Variants in F5 observed in about 807,000 individuals in gnomAD.
F5 encodes activated protein c cofactor.
A neutral mutation model predicts 216.4 loss-of-function variants in F5; 138 were observed. The observed-to-expected ratio is 0.64, with a 90% confidence interval of 0.56 to 0.73. F5 has a LOEUF of 0.73. Among genes scored for constraint, F5 ranks in the 30% least tolerant of loss-of-function variants. The probability of loss-of-function intolerance (pLI) is 0.00; values close to 1 mark genes in which losing one functional copy is unlikely to be tolerated. For synonymous variants in F5, 916 were observed against 930.7 expected, an observed-to-expected ratio of 0.98 and a Z score of 0.29; for missense variants, 2,403 against 2,674.0, an observed-to-expected ratio of 0.90 and a Z score of 2.24.
At position 169,572,455 on chromosome 1, in the gene F5, G is replaced by T. The variant is rs531060186; in HGVS notation, c.251-112C>A. The T allele has an allele frequency of 2.0e-5, 26 of 1,309,344 alleles. No individual in the cohort carries two copies. The Admixed American group carries it at 3.8e-4, about 19-fold the overall frequency. The allele number at this position is 1,309,344 out of a possible 1,614,324, so 81.1% of individuals were successfully genotyped here. A position where few individuals can be genotyped will look rare whatever the true frequency, so the allele number is the denominator to read the frequency against. On this transcript the variant is annotated intron_variant, in intron 2 of 24. Transcript: ENST00000367797. ...AAGAGTGATTGCTACCATTCCTCCT[G>T]GTCCTGAGGCTGACTCACTTATTTT... is the stretch of plus-strand genomic sequence containing the variant.
intron 3 of F5, among the ~76,000 whole-genome samples, chr1:169,571,822 T>C (rs1443979658): frequency 1.3e-5 from 2 of 152,084 alleles, no homozygotes; most frequent in Non-Finnish European, 2.9e-5. Flanking sequence ...AAAGGCAGAG[T>C]TGAGTACTTG....
In F5 at chr1:169,523,133, T is replaced by C. The variant is rs575859426; in HGVS notation, c.6048+64A>G. ...TTTTAAAATACATAATCATTAGGTA[T>C]AGTCATAATAATTCTAGGCCAAGTC... On this transcript the variant is annotated intron_variant, in intron 21 of 24. Transcript: ENST00000367797. 1.0e-4 allele frequency: 154 copies of C among 1,543,076 alleles called. 1 individual carries two copies. Among genetic ancestry groups the C allele is most frequent in the Admixed American group, 6.8e-4 (41 of 59,938 alleles).
chr1:169,581,018 T>G (rs1040339704), intron 2 of F5, among the ~76,000 whole-genome samples: 1 of 152,088 alleles, frequency 6.6e-6, no homozygotes, highest in Non-Finnish European at 1.5e-5. Context: ...CTGCTGGTAT[T>G]GAGGGGGTGT....
chr1:169,563,299 G>T (rs1417365104), intron 3 of F5, among the ~76,000 whole-genome samples: 1 of 152,032 alleles, frequency 6.6e-6, no homozygotes, highest in Non-Finnish European at 1.5e-5. Flanking sequence ...ATGTGGCTTG[G>T]TGTGGTTTTC....
chr1:169,513,201 A>C lies in F5; in HGVS notation c.*1112T>G, dbSNP rs1400749363. Among the ~76,000 whole-genome samples, 1 of 152,076 alleles carries C rather than the reference A, an allele frequency of 6.6e-6. No homozygotes were observed. The highest frequency in any genetic ancestry group is 6.6e-5 in the Admixed American group (1 of 15,230). The stretch of plus-strand genomic sequence containing the variant: ...TAACATTTTGATATATGTACACGTT[A>C]CAGGATGATTAAATCAAGCTAAGTA... On this transcript the variant is annotated 3_prime_UTR_variant, in exon 25 of 25. Coordinates refer to ENST00000367797, the MANE Select transcript of F5 (RefSeq NM_000130.5).
intron 23 of F5, 153 bp from the exon 24 acceptor site, chr1:169,515,779 C>T: frequency 1.4e-6 from 1 of 690,962 alleles, no homozygotes; most frequent in South Asian, 1.7e-5. Flanking sequence ...TTCCCTCTTT[C>T]TTCTTCATTG....
intron 23 of F5, among the ~76,000 whole-genome samples, chr1:169,518,120 A>C (rs933130730): frequency 6.6e-6 from 1 of 152,190 alleles, no homozygotes; most frequent in Admixed American, 6.5e-5. Flanking sequence ...TGGCCCACAA[A>C]GACTAAAATA....
rs746723635 is a variant in F5 at position 169,586,254 on chromosome 1, A to G, written c.133T>C (p.Tyr45His). The G allele has an allele frequency of 6.2e-7, 1 of 1,614,146 alleles. No individual in the cohort carries two copies. The change falls in exon 1 of 25, where the codon TAC becomes CAC. Residue 45 changes from tyrosine to histidine, a missense_variant. Physicochemically the swap from Tyr to His is moderately conservative, Grantham distance 83. Around this residue, in one of 4 missense-constraint regions of F5, gnomAD observed 1,425 missense variants for 1,554.8 expected, o/e 0.92. Coordinates refer to ENST00000367797, the MANE Select transcript of F5 (RefSeq NM_000130.5). ...YVAAQGISWS[Y>H]RPEPTNSSLN... ...CTTGAGTTTGTGGGCTCAGGTCGGTAGCTCCAACTGATGCCCTGAGCAGCC... is the reference window on the plus strand; with the variant it reads ...CTTGAGTTTGTGGGCTCAGGTCGGTGGCTCCAACTGATGCCCTGAGCAGCC...
intron 7 of F5, among the ~76,000 whole-genome samples, chr1:169,554,553 T>A (rs1660266279): frequency 6.6e-6 from 1 of 152,250 alleles, no homozygotes; most frequent in South Asian, 2.1e-4. Context: ...AGTGTATCTG[T>A]ATAGTTAGAT....
At chr1:169,538,379 G>T (rs1217498333) in intron 13 of F5, among the ~76,000 whole-genome samples, 1 of 152,154 alleles carries the variant, frequency 6.6e-6, no homozygotes, top group Non-Finnish European at 1.5e-5. Context: ...TCAGTTAGAA[G>T]AAATAAATTT....
chr1:169,543,917 A>C (rs1267997452), intron 12 of F5, among the ~76,000 whole-genome samples: 3 of 152,220 alleles, frequency 2.0e-5, no homozygotes, highest in Non-Finnish European at 4.4e-5. Flanking sequence ...TTGCTGAAGC[A>C]GCCTTTAAGG....
chr1:169,549,827 T>G lies in F5; in HGVS notation c.1585A>C (p.Arg529=). The G allele has an allele frequency of 6.2e-7, 1 of 1,613,974 alleles. No homozygotes were observed. The highest frequency in any genetic ancestry group is 8.5e-7 in the Non-Finnish European group (1 of 1,179,860). Residue 529 remains arginine, a synonymous_variant, in exon 10 of 25, where the codon AGA becomes CGA. Coordinates refer to ENST00000367797, the MANE Select transcript of F5 (RefSeq NM_000130.5). ...LIGLLLICKS[R]SLDRRGIQRA... is the part of the protein sequence containing the mutation. ...TGTATTCCTCGCCTGTCCAGGGATC[T>G]GCTCTTACAGATTAGAAGTAGTCCT...
intron 24 of F5, among the ~76,000 whole-genome samples, chr1:169,514,748 C>A (rs1193769751): frequency 1.3e-5 from 2 of 152,114 alleles, no homozygotes; most frequent in Non-Finnish European, 2.9e-5. Context: ...CAGAGATGAT[C>A]CTCTATCAGT....
intron 14 of F5, among the ~76,000 whole-genome samples, chr1:169,533,177 T>G (rs953318359): frequency 6.6e-6 from 1 of 152,120 alleles, no homozygotes; most frequent in Non-Finnish European, 1.5e-5. Context: ...GGTGCTGGAA[T>G]AGCCGGCTAC....
At position 169,512,441 on chromosome 1, in the gene F5, G is replaced by C. The variant is rs566571631; in HGVS notation, c.*1872C>G. Among the ~76,000 whole-genome samples the C allele has an allele frequency of 2.6e-5, 4 of 152,100 alleles. No homozygotes were observed. In the East Asian group the frequency reaches 7.7e-4, roughly 29 times the overall value. On this transcript the variant is annotated 3_prime_UTR_variant, in exon 25 of 25. Coordinates refer to ENST00000367797, the MANE Select transcript of F5 (RefSeq NM_000130.5). Reference sequence around the variant, plus strand: ...AGCTGCGTAATTTGTGGGGCTCATTGAAAAATGGAAATGTCGAATTCCTTC... The same window carrying C: ...AGCTGCGTAATTTGTGGGGCTCATTCAAAAATGGAAATGTCGAATTCCTTC...
intron 8 of F5, 36 bp downstream of exon 8, chr1:169,552,520 GT>G: frequency 6.4e-7 from 1 of 1,556,998 alleles, no homozygotes; most frequent in Non-Finnish European, 8.9e-7. Context: ...ATTTTACTAT[GT>G]AATTTCTCCC....
intron 13 of F5, among the ~76,000 whole-genome samples, chr1:169,539,437 G>A (rs1052395163): frequency 5.9e-5 from 9 of 151,300 alleles, no homozygotes; most frequent in African/African-American, 1.5e-4. Flanking sequence ...TCACTCCCTC[G>A]GGGCCTTGCT....
At chr1:169,557,224 A>C in intron 5 of F5, among the ~76,000 whole-genome samples, 1 of 152,256 alleles carries the variant, frequency 6.6e-6, no homozygotes, top group East Asian at 1.9e-4. Context: ...TCAGGACTTT[A>C]ACTATTAGAA....
chr1:169,568,440 A>G (rs6670678), intron 3 of F5, among the ~76,000 whole-genome samples: 102,267 of 151,966 alleles, frequency 0.67, 35,623 homozygotes, highest in East Asian at 0.88. Context: ...CTTTGATTTT[A>G]CAACATACAT....
Sources: allele counts gnomAD v4.1 joint callset (sites outside exome capture counted in the v4.1 genomes callset), GRCh38; gene constraint gnomAD v4.1.1; regional missense constraint gnomAD v4.1.1; transcripts MANE v1.5; gene names NCBI Gene and HGNC (gene_info 2026-07-23, HGNC 2026-07-21).